Variants in NEMP2 observed in about 807,000 individuals in gnomAD.
The protein encoded by NEMP2 is UPF0571 transmembrane protein.
In NEMP2, 53 loss-of-function variants were observed where a neutral mutation model predicts 54.2. The observed-to-expected ratio is 0.98, with a 90% CI of 0.78 to 1.23. The LOEUF is 1.23. NEMP2 is among the 50% of genes most tolerant of loss of function. NEMP2 has a pLI of 0.00. For missense variants in NEMP2, 455 were observed against 511.3 expected (o/e 0.89, Z 1.06); for synonymous variants, 197 against 190.3 (o/e 1.04, Z -0.29).
chr2:190,621,215 T>C, the NEMP2 span, among the ~76,000 whole-genome samples: 1 of 152,232 alleles, frequency 6.6e-6, no homozygotes. Context: ...AGTGTACTTA[T>C]ACAAACCTAG....
chr2:190,629,713 T>C, the NEMP2 span: 3 of 152,194 alleles, frequency 2.0e-5, no homozygotes, highest in Non-Finnish European at 4.4e-5. Context: ...GCAGAAACAA[T>C]AGCCAACACC....
the NEMP2 span, among the ~76,000 whole-genome samples, chr2:190,584,898 T>TGAAAGAAAGAAA: frequency 2.3e-3 from 274 of 120,130 alleles, no homozygotes; most frequent in Middle Eastern, 7.6e-3. The surrounding 1 kb of genome is among the most constrained non-coding windows in gnomAD (Gnocchi z 4.2). Context: ...AAAACAACAA[T>TGAAAGAAAGAAA]GAAAGAAAGA....
the NEMP2 span, among the ~76,000 whole-genome samples, chr2:190,429,390 A>T: frequency 5.9e-5 from 9 of 151,592 alleles, no homozygotes; most frequent in African/African-American, 2.2e-4. Context: ...CAGTGGTGCA[A>T]TCTCGGCTCA....
chr2:190,479,037 T>C, the NEMP2 span, among the ~76,000 whole-genome samples: 67,672 of 151,892 alleles, frequency 0.45, 15,744 homozygotes, highest in East Asian at 0.61. Context: ...GGATTCCTTG[T>C]TATCTTCAGT....
the NEMP2 span, among the ~76,000 whole-genome samples, chr2:190,633,679 A>C: frequency 1.3e-5 from 2 of 152,222 alleles, no homozygotes; most frequent in African/African-American, 4.8e-5. Context: ...GTATGTACTC[A>C]GCAAATGTTT....
chr2:190,616,251 C>A, the NEMP2 span, among the ~76,000 whole-genome samples: 2 of 152,064 alleles, frequency 1.3e-5, no homozygotes, highest in Non-Finnish European at 2.9e-5. The surrounding 1 kb of genome is among the most constrained non-coding windows in gnomAD (Gnocchi z 5.1). Context: ...GGCCCAAATA[C>A]TGAGGGGCAA....
Position 190,534,634 on chromosome 2 carries a change from A to G in NEMP2, c.22T>C (p.Trp8Arg). The G allele has an allele frequency of 5.2e-6, 7 of 1,350,778 alleles. No individual in the cohort carries two copies. Among genetic ancestry groups the G allele is most frequent in the Non-Finnish European group, 5.7e-6 (6 of 1,055,694 alleles). The allele number at this position is 1,350,778 out of a possible 1,614,324, so 83.7% of individuals were successfully genotyped here. A position where few individuals can be genotyped will look rare whatever the true frequency, so the allele number is the denominator to read the frequency against. MGPRQGR[W>R]WLLLWLPPLA... ...GGCGGCAGCCAGAGCAGCAGCCACC[A>G]CCGCCCTTGGCGCGGCCCCATTTCG... is the stretch of plus-strand genomic sequence containing the variant. Residue 8 changes from tryptophan (W) to arginine (R), a missense_variant, in exon 1 of 9, where the codon TGG becomes CGG. Trp to Arg is a moderately radical substitution (Grantham distance 101). Coordinates refer to ENST00000409150, the MANE Select transcript of NEMP2 (RefSeq NM_001142645.2).
At chr2:190,537,684 G>C (rs1160422079), upstream of NEMP2, among the ~76,000 whole-genome samples, 1 of 152,204 alleles carries the variant, frequency 6.6e-6, no homozygotes, top group Non-Finnish European at 1.5e-5. Context: ...AGGAAGCAGA[G>C]CATGAAAGTT....
the NEMP2 span, among the ~76,000 whole-genome samples, chr2:190,456,425 G>A: frequency 5.3e-5 from 8 of 152,198 alleles, no homozygotes; most frequent in African/African-American, 1.9e-4. The surrounding 1 kb of genome is among the most constrained non-coding windows in gnomAD (Gnocchi z 5.4). Context: ...CAGACTCTTC[G>A]TTGTGAGATC....
chr2:190,562,089 G>C, the NEMP2 span, among the ~76,000 whole-genome samples: 1 of 152,290 alleles, frequency 6.6e-6, no homozygotes, highest in Non-Finnish European at 1.5e-5. The surrounding 1 kb of genome is among the most constrained non-coding windows in gnomAD (Gnocchi z 5.0). Flanking sequence ...AGAAATATTT[G>C]ATTTAGGATG....
chr2:190,607,605 C>G, the NEMP2 span: 1 of 152,118 alleles, frequency 6.6e-6, no homozygotes, highest in Non-Finnish European at 1.5e-5. The surrounding 1 kb of genome is among the most constrained non-coding windows in gnomAD (Gnocchi z 5.2). Context: ...GGCAGGAAAC[C>G]AAAAGCACAT....
the NEMP2 span, chr2:190,436,128 A>G: frequency 6.2e-7 from 1 of 1,614,138 alleles, no homozygotes; most frequent in African/African-American, 1.3e-5. The surrounding 1 kb of genome is among the most constrained non-coding windows in gnomAD (Gnocchi z 5.3). Flanking sequence ...CCAGGGAACC[A>G]GAACCACCTT....
At position 190,514,441 on chromosome 2, in the gene NEMP2, A is replaced by G. The variant is rs957275305; in HGVS notation, c.953+12T>C. The G allele has an allele frequency of 2.6e-6, 4 of 1,547,932 alleles. No homozygotes were observed. In the African/African-American group the frequency reaches 5.5e-5, roughly 21 times the overall value. On this transcript the variant is annotated intron_variant, in intron 7 of 8. Coordinates refer to ENST00000409150, the MANE Select transcript of NEMP2 (RefSeq NM_001142645.2). The surrounding 1 kb of genome is among the most constrained non-coding windows in gnomAD (Gnocchi z 5.7). The stretch of plus-strand genomic sequence containing the variant: ...AATGTCAAATTTGCTGGGGGAAAAA[A>G]ATGATACATACCACCTCATATAACT...
the NEMP2 span, among the ~76,000 whole-genome samples, chr2:190,572,833 G>GTTTATATA: frequency 0.048 from 2,265 of 47,662 alleles, 460 homozygotes; most frequent in South Asian, 0.071. Context: ...CTTTTCATGA[G>GTTTATATA]TATATATATA....
At chr2:190,582,223 T>C in the NEMP2 span, among the ~76,000 whole-genome samples, 1 of 152,208 alleles carries the variant, frequency 6.6e-6, no homozygotes, top group African/African-American at 2.4e-5. This position sits in a 1 kb window ranked among gnomAD's most constrained non-coding sequence, Gnocchi z 4.6. Context: ...CCATTATCTC[T>C]ATAAGAGGCT....
chr2:190,648,735 G>C, the NEMP2 span, among the ~76,000 whole-genome samples: 8 of 151,044 alleles, frequency 5.3e-5, no homozygotes, highest in Admixed American at 1.3e-4. Context: ...AGCGGGACTC[G>C]CGGGAGCCGC....
the NEMP2 span, among the ~76,000 whole-genome samples, chr2:190,466,891 G>A: frequency 3.3e-5 from 5 of 152,118 alleles, no homozygotes; most frequent in South Asian, 2.1e-4. Flanking sequence ...GTTGTGAACC[G>A]GTCACTCCAG....
At chr2:190,431,540 C>CA in the NEMP2 span, among the ~76,000 whole-genome samples, 1,354 of 152,276 alleles carry the variant, frequency 8.9e-3, 7 homozygotes, top group Non-Finnish European at 0.014. The surrounding 1 kb of genome is among the most constrained non-coding windows in gnomAD (Gnocchi z 4.4). Flanking sequence ...CCGTCTCCAC[C>CA]AAAAAAATAC....
At chr2:190,539,542 T>C (rs10204342), upstream of NEMP2, among the ~76,000 whole-genome samples, 25,545 of 152,184 alleles carry the variant, frequency 0.17, 2,310 homozygotes, top group Middle Eastern at 0.23. The surrounding 1 kb of genome is among the most constrained non-coding windows in gnomAD (Gnocchi z 4.1). Context: ...TTGGGCAGTA[T>C]GGACATTTTA....
Sources: allele counts gnomAD v4.1 joint callset (sites outside exome capture counted in the v4.1 genomes callset), GRCh38; gene constraint gnomAD v4.1.1; non-coding constraint Gnocchi (gnomAD v3.1); transcripts MANE v1.5; gene names NCBI Gene and HGNC (gene_info 2026-07-23, HGNC 2026-07-21).